Variants in LIAS observed in about 807,000 individuals in gnomAD.
LIAS encodes lipoyl synthase, mitochondrial.
LIAS carries 36 observed loss-of-function variants against 49.4 expected under a neutral mutation model. That is an observed-to-expected ratio of 0.73 (90% CI 0.56 to 0.96). The LOEUF (loss-of-function observed/expected upper bound fraction) is 0.96. Ranked by LOEUF, LIAS falls within the 40% of genes least tolerant of loss-of-function variation. The probability of loss-of-function intolerance (pLI) is 0.00; values close to 1 mark genes in which losing one functional copy is unlikely to be tolerated. For missense variants in LIAS, 399 were observed against 456.3 expected (o/e 0.87, Z 1.14); for synonymous variants, 145 against 155.8 (o/e 0.93, Z 0.52).
intron 10 of LIAS, 157 bp downstream of exon 10, chr4:39,473,368 C>A: frequency 2.0e-6 from 1 of 490,186 alleles, no homozygotes; most frequent in Non-Finnish European, 3.6e-6. Flanking sequence ...GAGCTTTGCT[C>A]CATGGGGATC....
rs2608834 is a variant in LIAS, at chr4:39,478,380, T to C, written c.*1265T>C. On this transcript the variant is annotated 3_prime_UTR_variant, in exon 11 of 11. Transcript: ENST00000640888. ...TTAGCTAGGTGTGTTGGCAGGTGCC[T>C]GTAATCCCAGCTACTTGGGAGGCTG... 0.17 allele frequency: 25,197 copies of C among 152,174 alleles called. 2,522 individuals carry two copies. The highest frequency in any genetic ancestry group is 0.34 in the Middle Eastern group (99 of 294). 9.4% of individuals were successfully genotyped at this position (152,174 alleles called of 1,614,324 possible).
chr4:39,461,690 G>C (rs975907665), intron 2 of LIAS, among the ~76,000 whole-genome samples: 2 of 152,220 alleles, frequency 1.3e-5, no homozygotes, highest in Admixed American at 1.3e-4. Context: ...CATTATTGGT[G>C]TTTTCTTTTT....
At chr4:39,460,549 AAAAC>A (rs1255010878) in intron 1 of LIAS, among the ~76,000 whole-genome samples, 1 of 151,748 alleles carries the variant, frequency 6.6e-6, no homozygotes, top group Non-Finnish European at 1.5e-5. Context: ...AAAAAAAAAA[AAAAC>A]AGATTTCCAA....
intron 10 of LIAS, chr4:39,473,418 C>A: frequency 2.4e-6 from 1 of 414,736 alleles, no homozygotes; most frequent in East Asian, 3.8e-5. Context: ...GTTTCTTAAA[C>A]AAATTCAGCC....
rs538380232 is a variant in LIAS, at chr4:39,459,904, G to A, written c.45+742G>A. Among the ~76,000 whole-genome samples the A allele has an allele frequency of 5.0e-4, 76 of 151,298 alleles. No individual in the cohort carries two copies. The South Asian group carries it at 0.014, about 28-fold the overall frequency. Reference sequence around the variant, plus strand: ...GAACCCGCGAGGCGGAGGTTGCAGTGAGCCGAGATCGCGCAACTGCACTCC... The same window carrying A: ...GAACCCGCGAGGCGGAGGTTGCAGTAAGCCGAGATCGCGCAACTGCACTCC... On this transcript the variant is annotated intron_variant, in intron 1 of 10. Coordinates refer to ENST00000640888, the MANE Select transcript of LIAS (RefSeq NM_006859.4).
At position 39,470,287 on chromosome 4, in the gene LIAS, A is replaced by G. The variant is rs1049829606; in HGVS notation, c.883+123A>G. 4.4e-6 allele frequency: 3 copies of G among 687,190 alleles called. No individual in the cohort carries two copies. In the Admixed American group the frequency reaches 1.0e-4, roughly 23 times the overall value. The allele number at this position is 687,190 out of a possible 1,614,324, so 42.6% of individuals were successfully genotyped here. ...TATGGTTATAGATGGCAGCATGAAA[A>G]GGAAACCAACTTGCACATGCACCCT... is the stretch of plus-strand genomic sequence containing the variant. On this transcript the variant is annotated intron_variant, in intron 8 of 10. Coordinates refer to ENST00000640888, the MANE Select transcript of LIAS (RefSeq NM_006859.4).
intron 9 of LIAS, among the ~76,000 whole-genome samples, chr4:39,471,908 C>T (rs952885974): frequency 3.9e-5 from 6 of 152,048 alleles, no homozygotes; most frequent in Non-Finnish European, 7.4e-5. Context: ...AGGTGATCCA[C>T]CCGCCTCAGC....
At chr4:39,467,240 C>T (rs1182748066) in intron 6 of LIAS, 1 of 185,030 alleles carries the variant, frequency 5.4e-6, no homozygotes, top group Non-Finnish European at 1.1e-5. Flanking sequence ...CTAAAACCTA[C>T]TTAAATTAGG....
At chr4:39,471,327 T>C (rs931391932) in intron 9 of LIAS, 21 bp downstream of exon 9, 8 of 98,744 alleles carry the variant, frequency 8.1e-5, no homozygotes, top group South Asian at 2.9e-4. Flanking sequence ...CTTGATTTGC[T>C]TTTTTTTTTT....
At chr4:39,470,751 A>C (rs1744950924) in intron 8 of LIAS, 1 of 157,030 alleles carries the variant, frequency 6.4e-6, no homozygotes. Flanking sequence ...AGTTCATATA[A>C]TAATCAAGAC....
At chr4:39,459,266 C>A in intron 1 of LIAS, 104 bp downstream of exon 1, 1 of 1,028,802 alleles carries the variant, frequency 9.7e-7, no homozygotes, top group Non-Finnish European at 1.4e-6. Flanking sequence ...TGAACATTTA[C>A]TACTAGCCAA....
Position 39,477,172 on chromosome 4 carries a change from A to G in LIAS, c.*57A>G. On this transcript the variant is annotated 3_prime_UTR_variant, in exon 11 of 11. Coordinates refer to ENST00000640888, the MANE Select transcript of LIAS (RefSeq NM_006859.4). ...TTTTTAAAATTTGATTCCAGTTAATAACAGAGGTGGTGCCAGAATGCCTGG... is the reference window on the plus strand; with the variant it reads ...TTTTTAAAATTTGATTCCAGTTAATGACAGAGGTGGTGCCAGAATGCCTGG... 7.4e-7 allele frequency: 1 copy of G among 1,354,390 alleles called. No individual in the cohort carries two copies. Among genetic ancestry groups the G allele is most frequent in the Admixed American group, 1.9e-5 (1 of 51,752 alleles). The allele number at this position is 1,354,390 out of a possible 1,614,324, so 83.9% of individuals were successfully genotyped here.
intron 9 of LIAS, 128 bp downstream of exon 9, chr4:39,471,434 G>A (rs1470568190): frequency 1.1e-4 from 73 of 643,790 alleles, no homozygotes. Context: ...CCTGGGTTCA[G>A]GTGATTCTCC....
chr4:39,465,481 T>C, intron 6 of LIAS, 139 bp downstream of exon 6: 1 of 747,196 alleles, frequency 1.3e-6, no homozygotes, highest in Non-Finnish European at 2.1e-6. Flanking sequence ...GGAAATTATG[T>C]ACACATTTCT....
chr4:39,463,707 T>G, intron 4 of LIAS, 102 bp downstream of exon 4: 1 of 1,404,262 alleles, frequency 7.1e-7, no homozygotes, highest in Admixed American at 3.0e-5. Flanking sequence ...TGGTCAGATT[T>G]TTCATTACAT....
At chr4:39,471,595 C>T (rs1212172001) in intron 9 of LIAS, among the ~76,000 whole-genome samples, 5 of 134,484 alleles carry the variant, frequency 3.7e-5, no homozygotes, top group East Asian at 2.3e-4. Context: ...GGGGCAATCT[C>T]GGCTCACTGC....
chr4:39,469,943 C>T (rs758871149), intron 7 of LIAS, 76 bp from the exon 8 acceptor site: 2 of 1,367,908 alleles, frequency 1.5e-6, no homozygotes, highest in Non-Finnish European at 2.0e-6. Flanking sequence ...CTTCTCTGGT[C>T]TTTCAGGTTG....
intron 7 of LIAS, 60 bp from the exon 8 acceptor site, chr4:39,469,959 A>C: frequency 6.6e-7 from 1 of 1,522,416 alleles, no homozygotes; most frequent in Non-Finnish European, 9.0e-7. Flanking sequence ...GGTTGCTTGC[A>C]TAACTATGTA....
Position 39,467,614 on chromosome 4 carries a change from A to C in LIAS, c.705A>C (p.Ala235=), listed in dbSNP as rs111583368. Residue 235 remains alanine (A), a synonymous_variant, in exon 7 of 11, where the codon GCA becomes GCC. Coordinates refer to ENST00000640888, the MANE Select transcript of LIAS (RefSeq NM_006859.4). ...CTCTGTCAGGATTAGATGTGTATGC[A>C]CATAATGTAGAAACAGTCCCGGAAT... ...KVALSGLDVY[A]HNVETVPELQ... is the part of the protein sequence containing the mutation. 7.5e-6 allele frequency: 12 copies of C among 1,597,074 alleles called. No individual in the cohort carries two copies. Among genetic ancestry groups the C allele is most frequent in the African/African-American group, 6.7e-5 (5 of 74,606 alleles).
Sources: gnomAD v4.1 joint callset for allele counts (sites outside exome capture counted in the v4.1 genomes callset) on GRCh38, gnomAD v4.1.1 for gene constraint, MANE v1.5 for transcripts, NCBI Gene and HGNC (gene_info 2026-07-23, HGNC 2026-07-21) for gene names.